The following PRKDC variants were observed in gnomAD, a reference collection of about 807,000 sequenced individuals.
The protein encoded by PRKDC is DNA-dependent protein kinase catalytic subunit.
PRKDC carries 82 observed loss-of-function variants against 486.9 expected under a neutral mutation model. That is an observed-to-expected ratio of 0.17 (90% confidence interval 0.14 to 0.20). The LOEUF is 0.20. Among genes scored for constraint, PRKDC ranks in the 10% least tolerant of loss-of-function variants. The pLI is 1.00. For synonymous variants in PRKDC, 1,895 were observed against 1,837.0 expected (o/e 1.03, Z -0.81); for missense variants, 4,504 against 5,038.2 (o/e 0.89, Z 3.21).
chr8:47,834,724 T>C (rs926106924), intron 58 of PRKDC, among the ~76,000 whole-genome samples: 2 of 138,676 alleles, frequency 1.4e-5, no homozygotes, highest in Non-Finnish European at 1.5e-5. Flanking sequence ...GGAGTCTCGC[T>C]CTGTGGCCCA....
intron 61 of PRKDC, among the ~76,000 whole-genome samples, chr8:47,830,265 T>C (rs2087832434): frequency 6.6e-6 from 1 of 152,246 alleles, no homozygotes; most frequent in African/African-American, 2.4e-5. Context: ...CAGGTTTCCA[T>C]GTCTACAATC....
rs956155116 is a variant in PRKDC at position 47,773,261 on chromosome 8, G to T, written c.*912C>A. ...TTGGGTGTGGAGGACTGGCGGGGGGGGACAGGGACTGCACATGGGAAGGAG... is the reference window on the plus strand; with the variant it reads ...TTGGGTGTGGAGGACTGGCGGGGGGTGACAGGGACTGCACATGGGAAGGAG... On this transcript the variant is annotated 3_prime_UTR_variant, in exon 86 of 86. Transcript: ENST00000314191. 27 of 228,054 alleles carry T rather than the reference G, an allele frequency of 1.2e-4. 1 individual carries two copies. Among genetic ancestry groups the T allele is most frequent in the African/African-American group, 5.8e-4 (26 of 45,034 alleles). The allele number at this position is 228,054 out of a possible 1,614,324, so 14.1% of individuals were successfully genotyped here. A position where few individuals can be genotyped will look rare whatever the true frequency, so the allele number is the denominator to read the frequency against.
chr8:47,810,285 G>C (rs1231099013), intron 68 of PRKDC, among the ~76,000 whole-genome samples: 1 of 152,192 alleles, frequency 6.6e-6, no homozygotes, highest in East Asian at 1.9e-4. Flanking sequence ...GATATTTTGA[G>C]AGAGACAGAC....
At chr8:47,953,302 G>C (rs1180445389) in intron 7 of PRKDC, among the ~76,000 whole-genome samples, 1 of 152,086 alleles carries the variant, frequency 6.6e-6, no homozygotes, top group Non-Finnish European at 1.5e-5. Flanking sequence ...GCAAGATTCT[G>C]TCTCAAAAAA....
Position 47,939,556 on chromosome 8 carries a change from C to A in PRKDC, c.1108G>T (p.Ala370Ser). ...AGTAAGTTAATGAGACATACTCCTG[C>A]AAAAAGTCCATATCCACGGATAGCA... ...SIAIRGYGLFAGPCKVINAKD... is the reference protein window; with the variant it reads ...SIAIRGYGLFSGPCKVINAKD... Residue 370 changes from alanine to serine, a missense_variant, in exon 11 of 86, where the codon GCA (alanine) becomes TCA (serine). Ala to Ser is a moderately conservative substitution (Grantham distance 99). Transcript: ENST00000314191. 1 of 1,611,726 alleles carries A rather than the reference C, an allele frequency of 6.2e-7. No homozygotes were observed. The highest frequency in any genetic ancestry group is 8.5e-7 in the Non-Finnish European group (1 of 1,179,218).
At chr8:47,779,595 CTTTT>C (rs969618024) in intron 80 of PRKDC, among the ~76,000 whole-genome samples, 2 of 152,084 alleles carry the variant, frequency 1.3e-5, no homozygotes, top group African/African-American at 4.8e-5. Flanking sequence ...ACATCTTTTT[CTTTT>C]GTTTTTTTGA....
chr8:47,828,213 A>T lies in PRKDC; in HGVS notation c.8532T>A (p.Leu2844=). The T allele has an allele frequency of 4.3e-6, 7 of 1,613,880 alleles. No homozygotes were observed. Among genetic ancestry groups the T allele is most frequent in the Non-Finnish European group, 5.9e-6 (7 of 1,179,788 alleles). ...QKLLQDFNRF[L]NTTFSFFPPF... is the part of the protein sequence containing the mutation. Reference sequence around the variant, plus strand: ...GTGGAAAGAAAGAGAAGGTGGTATTAAGAAAACGATTGAAGTCTTGAAGCA... The same window carrying T: ...GTGGAAAGAAAGAGAAGGTGGTATTTAGAAAACGATTGAAGTCTTGAAGCA... Residue 2844 remains leucine (L), a synonymous_variant, in exon 62 of 86, where the codon CTT becomes CTA. Transcript: ENST00000314191.
chr8:47,938,581 TAA>T (rs2090392025), intron 11 of PRKDC, among the ~76,000 whole-genome samples: 1 of 152,174 alleles, frequency 6.6e-6, no homozygotes, highest in Non-Finnish European at 1.5e-5. Flanking sequence ...AAAAAATTTT[TAA>T]GAGATAGTGT....
rs760058232 is a variant in PRKDC at position 47,927,475 on chromosome 8, G to A, written c.2260-122C>T. The A allele has an allele frequency of 2.4e-5, 28 of 1,166,436 alleles. No individual in the cohort carries two copies. The Admixed American group carries it at 3.5e-4, about 15-fold the overall frequency. The allele number at this position is 1,166,436 out of a possible 1,614,324, so 72.3% of individuals were successfully genotyped here. A position where few individuals can be genotyped will look rare whatever the true frequency, so the allele number is the denominator to read the frequency against. On this transcript the variant is annotated intron_variant, in intron 20 of 85. Transcript: ENST00000314191. Reference sequence around the variant, plus strand: ...TTTTTATTACTGGATGCCCGACACCGCTGGAGAGTTCAGTCCAGGTAATTA... The same window carrying A: ...TTTTTATTACTGGATGCCCGACACCACTGGAGAGTTCAGTCCAGGTAATTA...
chr8:47,797,473 C>A (rs923460088), intron 73 of PRKDC, among the ~76,000 whole-genome samples: 1 of 152,174 alleles, frequency 6.6e-6, no homozygotes, highest in African/African-American at 2.4e-5. Flanking sequence ...TGGGTCCCCG[C>A]AGCCCAGAGA....
intron 48 of PRKDC, 103 bp from the exon 49 acceptor site, chr8:47,857,402 T>C: frequency 1.5e-6 from 2 of 1,323,754 alleles, no homozygotes; most frequent in East Asian, 2.5e-5. Flanking sequence ...ATACTATGAC[T>C]GGACCTAAAG....
chr8:47,881,095 C>CAAGA, intron 38 of PRKDC, among the ~76,000 whole-genome samples: 1 of 149,506 alleles, frequency 6.7e-6, no homozygotes. Flanking sequence ...AGAAAGCAAG[C>CAAGA]AAGCAAGCAA....
rs578030093 is a variant in PRKDC, at chr8:47,812,314, G to C, written c.9558-4988C>G. On this transcript the variant is annotated intron_variant, in intron 68 of 85. Transcript: ENST00000314191. Reference sequence around the variant, plus strand: ...GAAATTTATAAAACCTGATACCCAGGAACTGCAGAATATACAAAAATTTTC... The same window carrying C: ...GAAATTTATAAAACCTGATACCCAGCAACTGCAGAATATACAAAAATTTTC... Among the ~76,000 whole-genome samples, 21 of 152,146 alleles carry C rather than the reference G, an allele frequency of 1.4e-4. No individual in the cohort carries two copies. The South Asian group carries it at 4.2e-3, about 30-fold the overall frequency.
chr8:47,779,078 C>T lies in PRKDC; in HGVS notation c.11505G>A (p.Pro3835=), dbSNP rs775766242. 1.3e-5 allele frequency: 21 copies of T among 1,594,798 alleles called. No individual in the cohort carries two copies. In the Admixed American group the frequency reaches 1.9e-4, roughly 15 times the overall value. The change falls in exon 81 of 86, where the codon CCG becomes CCA. Residue 3835 remains proline, a synonymous_variant. Coordinates refer to ENST00000314191, the MANE Select transcript of PRKDC (RefSeq NM_006904.7). ...KAAYLSDPRA[P]PCEYKDWLTK... The stretch of plus-strand genomic sequence containing the variant: ...TCAGCCAATCTTTATATTCACACGG[C>T]GGTGCCCTGGGATCACTAATGAGTG...
chr8:47,910,105 T>A (rs1401420935), intron 25 of PRKDC, among the ~76,000 whole-genome samples: 2 of 152,152 alleles, frequency 1.3e-5, no homozygotes, highest in Non-Finnish European at 2.9e-5. Context: ...CATTTCTCTC[T>A]TTGTACTCTT....
chr8:47,811,486 G>A (rs2087324413), intron 68 of PRKDC, among the ~76,000 whole-genome samples: 1 of 152,202 alleles, frequency 6.6e-6, no homozygotes, highest in African/African-American at 2.4e-5. Context: ...TGAGTACAGT[G>A]TGGTAAGTAT....
intron 49 of PRKDC, 86 bp from the exon 50 acceptor site, chr8:47,855,459 T>C: frequency 7.3e-7 from 1 of 1,378,452 alleles, no homozygotes; most frequent in African/African-American, 1.5e-5. Flanking sequence ...ATAAAAGAAA[T>C]CTGGCATTTT....
intron 48 of PRKDC, 130 bp downstream of exon 48, chr8:47,858,386 C>T (rs2088593709): frequency 1.2e-6 from 1 of 829,866 alleles, no homozygotes; most frequent in South Asian, 2.2e-5. Flanking sequence ...CATGCTCTGC[C>T]CCTTTATATT....
At chr8:47,909,085 C>A (rs1292239536) in intron 25 of PRKDC, among the ~76,000 whole-genome samples, 1 of 152,172 alleles carries the variant, frequency 6.6e-6, no homozygotes, top group Non-Finnish European at 1.5e-5. Context: ...CCCCCCAGCC[C>A]CCAGGCAGTG....
Sources: allele counts gnomAD v4.1 joint callset (sites outside exome capture counted in the v4.1 genomes callset), GRCh38; gene constraint gnomAD v4.1.1; transcripts MANE v1.5; gene names NCBI Gene and HGNC (gene_info 2026-07-23, HGNC 2026-07-21).